PTPN13: variants seen among roughly 807,000 people sequenced by gnomAD.
PTPN13 encodes the protein tyrosine-protein phosphatase non-receptor type 13.
Under a neutral mutation model 284.0 loss-of-function variants are expected in PTPN13, and 191 were observed. The ratio of observed to expected loss-of-function variants is 0.67; its 90% CI spans 0.60 to 0.76. The LOEUF is 0.76. Ranked by LOEUF, PTPN13 falls within the 30% of genes least tolerant of loss-of-function variation. The pLI, the probability that PTPN13 is intolerant of heterozygous loss-of-function variation, is 0.00. For synonymous variants in PTPN13, 986 were observed against 1,022.3 expected, an observed-to-expected ratio of 0.96 and a Z score of 0.68; for missense variants, 2,797 against 2,939.9, an observed-to-expected ratio of 0.95 and a Z score of 1.12.
At chr4:86,709,160 A>G (rs1229173529) in intron 7 of PTPN13, among the ~76,000 whole-genome samples, 4 of 152,108 alleles carry the variant, frequency 2.6e-5, no homozygotes, top group African/African-American at 9.7e-5. Context: ...CTACTTACCT[A>G]TCTACCTATT....
intron 3 of PTPN13, among the ~76,000 whole-genome samples, chr4:86,679,360 C>A (rs1018534479): frequency 2.0e-5 from 3 of 152,138 alleles, no homozygotes; most frequent in African/African-American, 7.2e-5. Context: ...ATGGAAGGGA[C>A]CCTGTTTGTC....
At chr4:86,744,546 C>T (rs1391358519) in intron 16 of PTPN13, among the ~76,000 whole-genome samples, 1 of 152,110 alleles carries the variant, frequency 6.6e-6, no homozygotes, top group Non-Finnish European at 1.5e-5. Context: ...TGCCATGTAA[C>T]GATTTTTCAG....
At chr4:86,787,669 T>A (rs756514956) in intron 40 of PTPN13, among the ~76,000 whole-genome samples, 11 of 152,212 alleles carry the variant, frequency 7.2e-5, no homozygotes, top group Non-Finnish European at 1.5e-4. Flanking sequence ...AAATTTTGAT[T>A]TCTACCTTTC....
At chr4:86,654,450 G>C (rs979071503) in intron 2 of PTPN13, among the ~76,000 whole-genome samples, 1 of 152,256 alleles carries the variant, frequency 6.6e-6, no homozygotes, top group Admixed American at 6.5e-5. Context: ...TTGTGTCTTT[G>C]TTCTCATTGG....
chr4:86,659,304 A>T (rs528715869), intron 2 of PTPN13, among the ~76,000 whole-genome samples: 1 of 152,304 alleles, frequency 6.6e-6, no homozygotes, highest in East Asian at 1.9e-4. Context: ...GTACTAAGTC[A>T]TCAAAATCTA....
chr4:86,702,825 A>G (rs1329228910), intron 7 of PTPN13, among the ~76,000 whole-genome samples: 4 of 152,178 alleles, frequency 2.6e-5, no homozygotes, highest in Non-Finnish European at 4.4e-5. Flanking sequence ...ATCCTAGGAC[A>G]TAGCTGATTA....
chr4:86,649,668 C>T (rs765194623), intron 2 of PTPN13, among the ~76,000 whole-genome samples: 3 of 152,116 alleles, frequency 2.0e-5, no homozygotes, highest in Non-Finnish European at 4.4e-5. Flanking sequence ...TGTGATGCTT[C>T]CAGCTTTGTT....
intron 10 of PTPN13, among the ~76,000 whole-genome samples, chr4:86,728,363 A>G (rs1007816147): frequency 6.7e-5 from 10 of 149,178 alleles, no homozygotes; most frequent in Middle Eastern, 6.9e-3. Context: ...TAAGTCCTGG[A>G]TATCCTTCTT....
Position 86,701,545 on chromosome 4 carries a change from C to T in PTPN13, c.939C>T (p.Phe313=), listed in dbSNP as rs746868041. 2.5e-6 allele frequency: 4 copies of T among 1,613,820 alleles called. No individual in the cohort carries two copies. In the African/African-American group the frequency reaches 4.0e-5, roughly 16 times the overall value. ...MDLLCTADRD[F]SSGETATYRR... ...TGCTTTGTACAGCTGACAGAGACTT[C>T]TCTTCAGGAGAGACTGCCACATATC... Residue 313 remains phenylalanine (F), a synonymous_variant, in exon 7 of 48, where the codon TTC becomes TTT. Transcript: ENST00000411767.
At chr4:86,774,861 G>GCA (rs1240784757) in intron 33 of PTPN13, among the ~76,000 whole-genome samples, 1 of 151,866 alleles carries the variant, frequency 6.6e-6, no homozygotes, top group African/African-American at 2.4e-5. Flanking sequence ...TCTCAGTAAG[G>GCA]CATAAAACAA....
chr4:86,807,726 G>A lies in PTPN13; in HGVS notation c.6912G>A (p.Val2304=), dbSNP rs1578728886. The A allele has an allele frequency of 6.2e-7, 1 of 1,613,996 alleles. No homozygotes were observed. The highest frequency in any genetic ancestry group is 8.5e-7 in the Non-Finnish European group (1 of 1,179,882). ...WQMIWEQKST[V]IAMMTQEVEG... is the part of the protein sequence containing the mutation. Reference sequence around the variant, plus strand: ...TGATTTGGGAGCAAAAATCCACAGTGATAGCCATGATGACTCAAGAAGTAG... The same window carrying A: ...TGATTTGGGAGCAAAAATCCACAGTAATAGCCATGATGACTCAAGAAGTAG... Residue 2304 remains valine (V), a synonymous_variant, in exon 45 of 48, where the codon GTG becomes GTA. Transcript: ENST00000411767.
intron 1 of PTPN13, among the ~76,000 whole-genome samples, chr4:86,623,221 A>G (rs1312360773): frequency 6.6e-6 from 1 of 152,126 alleles, no homozygotes; most frequent in African/African-American, 2.4e-5. Context: ...TGCAGTTCTG[A>G]TGTCCAAGGC....
chr4:86,627,436 A>G (rs991075331), intron 1 of PTPN13, among the ~76,000 whole-genome samples: 1 of 152,116 alleles, frequency 6.6e-6, no homozygotes, highest in African/African-American at 2.4e-5. Flanking sequence ...TTCTAACACT[A>G]AAAACATCCA....
At chr4:86,801,809 A>G (rs1176111999) in intron 42 of PTPN13, among the ~76,000 whole-genome samples, 1 of 152,204 alleles carries the variant, frequency 6.6e-6, no homozygotes, top group Non-Finnish European at 1.5e-5. Context: ...CCAGTTTAAG[A>G]AAAACTAAGC....
intron 40 of PTPN13, among the ~76,000 whole-genome samples, chr4:86,789,008 G>C (rs1461360910): frequency 6.6e-6 from 1 of 152,178 alleles, no homozygotes; most frequent in African/African-American, 2.4e-5. Flanking sequence ...AGTTAAGCTA[G>C]GAAAGAGCAT....
chr4:86,693,780 T>A (rs947221922), intron 6 of PTPN13, 106 bp downstream of exon 6: 4 of 710,332 alleles, frequency 5.6e-6, no homozygotes, highest in Non-Finnish European at 8.7e-6. Context: ...GAGACTATGA[T>A]TAGAACGTAA....
chr4:86,804,871 G>A (rs1394292799), intron 43 of PTPN13, among the ~76,000 whole-genome samples: 1 of 152,122 alleles, frequency 6.6e-6, no homozygotes, highest in African/African-American at 2.4e-5. Context: ...TAGAACCTAG[G>A]ACTATCTGAC....
intron 3 of PTPN13, among the ~76,000 whole-genome samples, chr4:86,673,842 G>T (rs1447392554): frequency 6.6e-6 from 1 of 152,124 alleles, no homozygotes; most frequent in East Asian, 1.9e-4. Context: ...CAAGTAGCTG[G>T]ATTACGGGCA....
chr4:86,680,916 A>G (rs1461507345), intron 3 of PTPN13, among the ~76,000 whole-genome samples: 2 of 152,290 alleles, frequency 1.3e-5, no homozygotes, highest in African/African-American at 4.8e-5. Flanking sequence ...CTGAGGACTT[A>G]TAATATGTCC....
Sources: gnomAD v4.1 joint callset for allele counts (sites outside exome capture counted in the v4.1 genomes callset) on GRCh38, gnomAD v4.1.1 for gene constraint, MANE v1.5 for transcripts, NCBI Gene and HGNC (gene_info 2026-07-23, HGNC 2026-07-21) for gene names.